LRRTM4: variants seen among roughly 807,000 people sequenced by gnomAD.
The protein encoded by LRRTM4 is leucine-rich repeat transmembrane neuronal protein 4.
A neutral mutation model predicts 47.6 loss-of-function variants in LRRTM4; 25 were observed. The ratio of observed to expected loss-of-function variants is 0.53; its 90% confidence interval spans 0.38 to 0.73. The LOEUF is 0.73. Ranked by LOEUF, LRRTM4 falls within the 30% of genes least tolerant of loss-of-function variation. LRRTM4 has a pLI of 0.00. For synonymous variants in LRRTM4, 311 were observed against 269.5 expected (o/e 1.15, Z -1.51); for missense variants, 638 against 713.4 (o/e 0.89, Z 1.20).
chr2:77,099,388 C>T (rs1189822276), intron 3 of LRRTM4, among the ~76,000 whole-genome samples: 1 of 151,780 alleles, frequency 6.6e-6, no homozygotes, highest in Non-Finnish European at 1.5e-5. Context: ...CTGACTTTAT[C>T]TTTGTGTCTA....
rs140683398 is a variant in LRRTM4 at position 77,031,753 on chromosome 2, CAGAG to C, written c.1552-282841_1552-282838del. Among the ~76,000 whole-genome samples, 529 of 152,132 alleles carry C rather than the reference CAGAG, an allele frequency of 3.5e-3. 3 individuals are homozygous for C. The highest frequency in any genetic ancestry group is 0.012 in the African/African-American group (494 of 41,530). ...TATCTTTGTGTGTGCGTGTGTGTGA[CAGAG>C]AGAGAGCGCGCACAATATGTGCATG... is the stretch of plus-strand genomic sequence containing the variant. On this transcript the variant is annotated intron_variant, in intron 3 of 3. Coordinates refer to ENST00000409884, the MANE Select transcript of LRRTM4 (RefSeq NM_001134745.3).
intron 3 of LRRTM4, among the ~76,000 whole-genome samples, chr2:76,892,495 C>A (rs1025894715): frequency 2.0e-5 from 3 of 151,608 alleles, no homozygotes; most frequent in Admixed American, 1.3e-4. Flanking sequence ...GCCCATAAGG[C>A]ATAGTTTCTC....
intron 3 of LRRTM4, among the ~76,000 whole-genome samples, chr2:76,873,507 T>TGTGTATATATATATAC (rs371406111): frequency 2.3e-4 from 5 of 21,650 alleles, no homozygotes; most frequent in East Asian, 1.5e-3. Flanking sequence ...TATATGTGTG[T>TGTGTATATATATATAC]ATATATATAT....
chr2:77,392,292 C>G (rs190625716), intron 3 of LRRTM4, among the ~76,000 whole-genome samples: 120 of 151,966 alleles, frequency 7.9e-4, no homozygotes, highest in Non-Finnish European at 1.5e-3. Flanking sequence ...CTGCCCCCCA[C>G]CCATCCCACT....
intron 3 of LRRTM4, among the ~76,000 whole-genome samples, chr2:76,936,723 G>A (rs1279231552): frequency 6.6e-6 from 1 of 151,556 alleles, no homozygotes; most frequent in African/African-American, 2.4e-5. Context: ...GAGAGGCCAA[G>A]GCAGGTGGAT....
intron 3 of LRRTM4, among the ~76,000 whole-genome samples, chr2:77,354,982 T>G (rs1671917622): frequency 6.6e-6 from 1 of 152,016 alleles, no homozygotes; most frequent in African/African-American, 2.4e-5. Flanking sequence ...TGAAAACAAT[T>G]TATACAACTG....
At position 76,985,075 on chromosome 2, in the gene LRRTM4, C is replaced by A. The variant is rs571178103; in HGVS notation, c.1552-236159G>T. ...TTTGTATGAGTGGGTCTTTCAAAAT[C>A]CCATACATTCAAGCAGTTTCTCTTA... On this transcript the variant is annotated intron_variant, in intron 3 of 3. Coordinates refer to ENST00000409884, the MANE Select transcript of LRRTM4 (RefSeq NM_001134745.3). Among the ~76,000 whole-genome samples, 12 of 151,908 alleles carry A rather than the reference C, an allele frequency of 7.9e-5. No homozygotes were observed. The East Asian group carries it at 1.8e-3, about 22-fold the overall frequency.
chr2:77,438,705 G>A (rs1282078417), intron 3 of LRRTM4, among the ~76,000 whole-genome samples: 1 of 151,590 alleles, frequency 6.6e-6, no homozygotes, highest in Non-Finnish European at 1.5e-5. Flanking sequence ...CGTGCCCGGC[G>A]GATAATGATA....
At chr2:77,506,572 A>C (rs946716830) in intron 3 of LRRTM4, among the ~76,000 whole-genome samples, 23 of 151,906 alleles carry the variant, frequency 1.5e-4, no homozygotes, top group African/African-American at 5.3e-4. Flanking sequence ...TAAAAAAGAG[A>C]TAATAAATAA....
chr2:76,749,241 A>G (rs1235566790), intron 3 of LRRTM4, among the ~76,000 whole-genome samples: 1 of 152,170 alleles, frequency 6.6e-6, no homozygotes, highest in Non-Finnish European at 1.5e-5. Flanking sequence ...TGTAGATCCT[A>G]CATTTGAATG....
chr2:77,151,022 A>G (rs953230436), intron 3 of LRRTM4, among the ~76,000 whole-genome samples: 2 of 152,144 alleles, frequency 1.3e-5, no homozygotes, highest in African/African-American at 4.8e-5. Flanking sequence ...AACTGTTCGC[A>G]TATTTACTGT....
intron 3 of LRRTM4, among the ~76,000 whole-genome samples, chr2:76,795,833 C>A (rs1024479908): frequency 6.6e-6 from 1 of 152,064 alleles, no homozygotes; most frequent in Admixed American, 6.6e-5. Context: ...CAAATAGGAA[C>A]AGCTCCTGTC....
rs554771757 is a variant in LRRTM4, at chr2:77,320,219, C to T, written c.1551+198099G>A. The stretch of plus-strand genomic sequence containing the variant: ...AATGAAAGATAAAATGACTACCACA[C>T]ACAGACATGAGGGTACTTTAACAAG... On this transcript the variant is annotated intron_variant, in intron 3 of 3. Transcript: ENST00000409884. Among the ~76,000 whole-genome samples, 4 of 152,218 alleles carry T rather than the reference C, an allele frequency of 2.6e-5. No homozygotes were observed. The East Asian group carries it at 7.7e-4, about 29-fold the overall frequency.
intron 3 of LRRTM4, among the ~76,000 whole-genome samples, chr2:77,507,596 A>AGTTTCAAGATTGAC (rs1678823927): frequency 6.6e-6 from 1 of 152,126 alleles, no homozygotes. Context: ...TTACCTCTCA[A>AGTTTCAAGATTGAC]GTTTCAAGAT....
chr2:76,800,280 G>C (rs898534753), intron 3 of LRRTM4, among the ~76,000 whole-genome samples: 1 of 149,328 alleles, frequency 6.7e-6, no homozygotes, highest in Non-Finnish European at 1.5e-5. Flanking sequence ...ACAGAACAGA[G>C]CCCTCAGAAA....
chr2:77,044,177 C>T (rs1679132641), intron 3 of LRRTM4, among the ~76,000 whole-genome samples: 1 of 151,752 alleles, frequency 6.6e-6, no homozygotes, highest in African/African-American at 2.4e-5. Context: ...CCCAATGCAG[C>T]AATACATTGC....
intron 3 of LRRTM4, among the ~76,000 whole-genome samples, chr2:77,100,409 G>A (rs893345411): frequency 2.0e-5 from 3 of 152,082 alleles, no homozygotes; most frequent in South Asian, 2.1e-4. Flanking sequence ...ACGATGGAGC[G>A]CATTGCCTCC....
At chr2:76,752,235 T>G (rs2104055188) in intron 3 of LRRTM4, among the ~76,000 whole-genome samples, 1 of 152,286 alleles carries the variant, frequency 6.6e-6, no homozygotes, top group Non-Finnish European at 1.5e-5. Flanking sequence ...AAGTGAACAT[T>G]GTTGAATTTG....
intron 3 of LRRTM4, among the ~76,000 whole-genome samples, chr2:76,992,094 G>A (rs1038613942): frequency 1.1e-4 from 17 of 151,778 alleles, no homozygotes; most frequent in South Asian, 2.1e-4. Flanking sequence ...ATCCCTGCAC[G>A]ATAAAAATTC....
Sources: allele counts gnomAD v4.1 joint callset (sites outside exome capture counted in the v4.1 genomes callset), GRCh38; gene constraint gnomAD v4.1.1; transcripts MANE v1.5; gene names NCBI Gene and HGNC (gene_info 2026-07-23, HGNC 2026-07-21).